CAST: variants seen among roughly 807,000 people sequenced by gnomAD.
The protein encoded by CAST is MIR583 host.
Under a neutral mutation model 119.6 loss-of-function variants are expected in CAST, and 76 were observed. The ratio of observed to expected loss-of-function variants is 0.64; its 90% CI spans 0.53 to 0.77. The LOEUF is 0.77. Among genes scored for constraint, CAST ranks in the 30% least tolerant of loss-of-function variants. The pLI is 0.00. For missense variants in CAST, 953 were observed against 946.5 expected (o/e 1.01, Z -0.09); for synonymous variants, 319 against 331.6 (o/e 0.96, Z 0.41).
chr5:96,662,284 G>A (rs919793724), upstream of CAST: 26 of 1,102,992 alleles, frequency 2.4e-5, no homozygotes, highest in Middle Eastern at 3.3e-4. Context: ...GGGTGGGGTC[G>A]GAAAAGCTGT....
At chr5:96,121,031 G>A in the CAST span, among the ~76,000 whole-genome samples, 5,962 of 151,884 alleles carry the variant, frequency 0.039, 255 homozygotes, top group African/African-American at 0.1. Context: ...TCCCACTATA[G>A]GCATTATCTA....
intron 1 of CAST, among the ~76,000 whole-genome samples, chr5:96,561,784 A>G (rs1367992518): frequency 5.3e-5 from 2 of 37,578 alleles, no homozygotes; most frequent in African/African-American, 1.6e-4. Flanking sequence ...TATTATATAT[A>G]TGTTTTTTTT....
At chr5:96,145,858 AC>A in the CAST span, among the ~76,000 whole-genome samples, 1 of 152,296 alleles carries the variant, frequency 6.6e-6, no homozygotes, top group South Asian at 2.1e-4. Flanking sequence ...TCTCAGCTCA[AC>A]TGGCCCAGGG....
the CAST span, among the ~76,000 whole-genome samples, chr5:96,471,947 G>C: frequency 3.3e-5 from 5 of 152,134 alleles, no homozygotes; most frequent in East Asian, 9.6e-4. Context: ...TTAGAGTTAT[G>C]TACATCTTCC....
At chr5:96,068,534 G>A in the CAST span, among the ~76,000 whole-genome samples, 2 of 151,264 alleles carry the variant, frequency 1.3e-5, no homozygotes, top group Non-Finnish European at 2.9e-5. Context: ...CCACCCACTG[G>A]ACTAGTAAGG....
At chr5:96,609,980 G>T (rs191424531) in intron 1 of CAST, among the ~76,000 whole-genome samples, 32 of 152,226 alleles carry the variant, frequency 2.1e-4, no homozygotes, top group Admixed American at 5.2e-4. Flanking sequence ...ATATGGTTTG[G>T]CTGTGTCCCC....
At chr5:96,754,894 G>A in intron 22 of CAST, 153 bp downstream of exon 22, 1 of 499,772 alleles carries the variant, frequency 2.0e-6, no homozygotes, top group Non-Finnish European at 3.6e-6. Context: ...AATAGTGTTA[G>A]AACACCAGAT....
At chr5:96,347,998 G>T in the CAST span, among the ~76,000 whole-genome samples, 1 of 152,082 alleles carries the variant, frequency 6.6e-6, no homozygotes. Context: ...CTACAAATAA[G>T]ACAGAAATCG....
chr5:96,662,310 C>T (rs1321749061), upstream of CAST: 27 of 1,132,422 alleles, frequency 2.4e-5, 1 homozygote, highest in Non-Finnish European at 2.8e-5. Flanking sequence ...CGCCCGCTCC[C>T]GGGCCCTCCG....
the CAST span, among the ~76,000 whole-genome samples, chr5:96,191,494 AT>A: frequency 6.6e-6 from 1 of 152,260 alleles, no homozygotes; most frequent in African/African-American, 2.4e-5. Context: ...AATAGCCAAG[AT>A]TCAAATTTCA....
chr5:96,636,546 A>G (rs1747888404), intron 1 of CAST, among the ~76,000 whole-genome samples: 1 of 151,644 alleles, frequency 6.6e-6, no homozygotes, highest in Admixed American at 6.6e-5. Context: ...ATTTGGCAAA[A>G]AAAAATGATA....
upstream of CAST, among the ~76,000 whole-genome samples, chr5:96,526,191 AT>A (rs1170884523): frequency 6.6e-6 from 1 of 152,194 alleles, no homozygotes; most frequent in Admixed American, 6.5e-5. Flanking sequence ...AATAATTTTA[AT>A]TTTGTATGTA....
At chr5:95,962,944 A>G in the CAST span, among the ~76,000 whole-genome samples, 5 of 152,148 alleles carry the variant, frequency 3.3e-5, no homozygotes, top group African/African-American at 4.8e-5. Context: ...TTTCCATTCC[A>G]TCCACAGGAT....
At chr5:95,982,812 C>T in the CAST span, among the ~76,000 whole-genome samples, 1 of 152,044 alleles carries the variant, frequency 6.6e-6, no homozygotes, top group Admixed American at 6.5e-5. Context: ...TGATATTCCA[C>T]CTAATTTTAC....
chr5:96,267,373 TATA>T, the CAST span, among the ~76,000 whole-genome samples: 1 of 152,110 alleles, frequency 6.6e-6, no homozygotes, highest in Non-Finnish European at 1.5e-5. Context: ...CCCCAAGGCA[TATA>T]ATAATCAAAT....
chr5:96,125,312 A>G, the CAST span, among the ~76,000 whole-genome samples: 1 of 152,166 alleles, frequency 6.6e-6, no homozygotes, highest in African/African-American at 2.4e-5. Context: ...AACTCCGTAA[A>G]TGTCATATTT....
the CAST span, among the ~76,000 whole-genome samples, chr5:96,328,382 C>CTCTCTCTCTCT: frequency 5.0e-3 from 94 of 18,940 alleles, 13 homozygotes; most frequent in East Asian, 7.2e-3. Flanking sequence ...CTTCTCTCTC[C>CTCTCTCTCTCT]CTCTCTCTCT....
the CAST span, among the ~76,000 whole-genome samples, chr5:96,264,786 C>T: frequency 2.0e-5 from 3 of 152,148 alleles, no homozygotes; most frequent in Admixed American, 1.3e-4. Flanking sequence ...TGGAATCTCA[C>T]GTGTATATGC....
chr5:96,750,560 AT>A, intron 19 of CAST, 26 bp from the exon 20 acceptor site: 2 of 1,469,860 alleles, frequency 1.4e-6, no homozygotes, highest in Admixed American at 3.4e-5. Flanking sequence ...TTCTAAACTT[AT>A]TGAGAGTACT....
Sources: gnomAD v4.1 joint callset for allele counts (sites outside exome capture counted in the v4.1 genomes callset) on GRCh38, gnomAD v4.1.1 for gene constraint, MANE v1.5 for transcripts, NCBI Gene and HGNC (gene_info 2026-07-23, HGNC 2026-07-21) for gene names.